DACH2: variants seen among roughly 807,000 people sequenced by gnomAD.
DACH2 encodes dachshund family transcription factor 2.
A neutral mutation model predicts 35.8 loss-of-function variants in DACH2; 17 were observed. The observed-to-expected ratio is 0.48, with a 90% CI of 0.33 to 0.71. DACH2 has a LOEUF of 0.71. Ranked by LOEUF, DACH2 falls within the 30% of genes least tolerant of loss-of-function variation. The probability of loss-of-function intolerance (pLI) is 0.02; values close to 1 mark genes in which losing one functional copy is unlikely to be tolerated. For missense variants in DACH2, 469 were observed against 472.7 expected, an observed-to-expected ratio of 0.99 and a Z score of 0.07; for synonymous variants, 195 against 177.3, an observed-to-expected ratio of 1.10 and a Z score of -0.79.
At chrX:86,455,584 C>T (rs936901312) in intron 2 of DACH2, among the ~76,000 whole-genome samples, 1 of 112,584 alleles carries the variant, frequency 8.9e-6, no homozygotes, top group Non-Finnish European at 1.9e-5. Context: ...AGCAGCTGCG[C>T]TGCATTGTGT....
intron 3 of DACH2, among the ~76,000 whole-genome samples, chrX:86,560,454 G>A (rs371512657): frequency 2.2e-4 from 22 of 101,930 alleles, no homozygotes; most frequent in East Asian, 1.6e-3. Context: ...TCTTTGTGGC[G>A]TTCTCTGTAT....
intron 1 of DACH2, among the ~76,000 whole-genome samples, chrX:86,224,326 T>A (rs1210906354): frequency 8.9e-6 from 1 of 111,882 alleles, no homozygotes; most frequent in Non-Finnish European, 1.9e-5. Context: ...TATTTCATTC[T>A]TGTGCCTGTG....
chrX:86,749,754 A>G (rs1445708582), intron 7 of DACH2, among the ~76,000 whole-genome samples: 1 of 111,752 alleles, frequency 8.9e-6, no homozygotes, highest in Non-Finnish European at 1.9e-5. Flanking sequence ...GGTTGCCACA[A>G]ACATTTAGTT....
chrX:86,597,064 GT>G (rs1010812681), intron 3 of DACH2, among the ~76,000 whole-genome samples: 25 of 111,751 alleles, frequency 2.2e-4, no homozygotes, highest in African/African-American at 7.5e-4. Flanking sequence ...AAATTGGGAA[GT>G]TTGAGTCCCT....
intron 1 of DACH2, among the ~76,000 whole-genome samples, chrX:86,286,115 G>GTT (rs753864299): frequency 0.37 from 16,713 of 45,615 alleles, 4,196 homozygotes; most frequent in East Asian, 0.47. Flanking sequence ...CAGCCAGTCT[G>GTT]TTTTTTTTTT....
chrX:86,348,930 G>A, intron 1 of DACH2, among the ~76,000 whole-genome samples: 1 of 112,129 alleles, frequency 8.9e-6, no homozygotes, highest in Non-Finnish European at 1.9e-5. Flanking sequence ...CCCCTAGGCA[G>A]CATCTAGGGG....
chrX:86,808,645 CAAA>C (rs56053664), intron 7 of DACH2, among the ~76,000 whole-genome samples: 54 of 85,314 alleles, frequency 6.3e-4, no homozygotes, highest in African/African-American at 2.1e-3. Flanking sequence ...ATGACATTGC[CAAA>C]AAAAAAAAAA....
At chrX:86,592,059 C>T (rs1161552209) in intron 3 of DACH2, among the ~76,000 whole-genome samples, 2 of 109,943 alleles carry the variant, frequency 1.8e-5, no homozygotes, top group African/African-American at 6.6e-5. Context: ...TTTATTTTAT[C>T]GATTGTGCTT....
At chrX:86,654,321 T>C in intron 4 of DACH2, among the ~76,000 whole-genome samples, 1 of 110,395 alleles carries the variant, frequency 9.1e-6, no homozygotes, top group Non-Finnish European at 1.9e-5. Flanking sequence ...TCTCTTTTTC[T>C]AGGCTCCTGG....
At chrX:86,475,209 G>C (rs1246546133) in intron 2 of DACH2, among the ~76,000 whole-genome samples, 2 of 111,422 alleles carry the variant, frequency 1.8e-5, no homozygotes, top group African/African-American at 6.5e-5. Context: ...TTCTATTTCT[G>C]TTGAGGAATA....
chrX:86,476,663 C>T (rs1362958020), intron 2 of DACH2, among the ~76,000 whole-genome samples: 1 of 111,076 alleles, frequency 9.0e-6, no homozygotes, highest in Non-Finnish European at 1.9e-5. Flanking sequence ...CTGCTCTGAC[C>T]TTTATTGTTT....
intron 5 of DACH2, among the ~76,000 whole-genome samples, chrX:86,699,786 T>G (rs2041117935): frequency 9.0e-6 from 1 of 111,616 alleles, no homozygotes; most frequent in Non-Finnish European, 1.9e-5. Flanking sequence ...TCTCTAGTTG[T>G]GAGATTAGGT....
At chrX:86,607,243 G>A (rs775460708) in intron 3 of DACH2, among the ~76,000 whole-genome samples, 1 of 111,290 alleles carries the variant, frequency 9.0e-6, no homozygotes, top group Non-Finnish European at 1.9e-5. Flanking sequence ...TTTTCTGAGC[G>A]TTTTGATGTC....
In DACH2 at chrX:86,254,807, T is replaced by TATATAG. The variant is rs1380613474; in HGVS notation, c.488+105700_488+105701insTATAGA. 7.5e-3 allele frequency among the ~76,000 whole-genome samples: 370 copies of TATATAG among 49,604 alleles called. 7 individuals carry two copies. Among genetic ancestry groups the TATATAG allele is most frequent in the South Asian group, 0.012 (9 of 734 alleles). 43.1% of individuals were successfully genotyped at this position (49,604 alleles called of 115,157 possible). A position where few individuals can be genotyped will look rare whatever the true frequency, so the allele number is the denominator to read the frequency against. On this transcript the variant is annotated intron_variant, in intron 1 of 11. Coordinates refer to ENST00000373125, the MANE Select transcript of DACH2 (RefSeq NM_053281.3). ...ATATATATATATATATATATATATA[T>TATATAG]AGAGAGAGAGAGAGAGAGAGAGAGA...
intron 3 of DACH2, among the ~76,000 whole-genome samples, chrX:86,646,355 C>T (rs920793233): frequency 9.1e-5 from 10 of 110,177 alleles, no homozygotes; most frequent in Admixed American, 9.8e-5. Flanking sequence ...ACAAACTGTT[C>T]GGATGATTGT....
Position 86,441,435 on chromosome X carries a change from G to A in DACH2, c.527+64573G>A, listed in dbSNP as rs193142664. 7.3e-5 allele frequency among the ~76,000 whole-genome samples: 8 copies of A among 109,891 alleles called. No homozygotes were observed. In the South Asian group the frequency reaches 1.2e-3, roughly 16 times the overall value. ...GCGCCAGGTTCATCCATGTTGTTGC[G>A]AATGATGGGATTTTATTCTTTTTTA... is the stretch of plus-strand genomic sequence containing the variant. On this transcript the variant is annotated intron_variant, in intron 2 of 11. Transcript: ENST00000373125.
In DACH2 at chrX:86,496,630, G is replaced by A. The variant is rs182092158; in HGVS notation, c.528-17649G>A. ...TGTTATGATCACCCTGTAAAAGCAGGAGGGATTCCAGTCCAAAGTTTGGTT... is the reference window on the plus strand; with the variant it reads ...TGTTATGATCACCCTGTAAAAGCAGAAGGGATTCCAGTCCAAAGTTTGGTT... On this transcript the variant is annotated intron_variant, in intron 2 of 11. Transcript: ENST00000373125. 6.3e-3 allele frequency among the ~76,000 whole-genome samples: 700 copies of A among 110,526 alleles called. 6 individuals carry two copies. The highest frequency in any genetic ancestry group is 0.022 in the African/African-American group (667 of 30,323).
At position 86,170,283 on chromosome X, in the gene DACH2, G is replaced by T. The variant is rs367777427; in HGVS notation, c.488+21175G>T. Among the ~76,000 whole-genome samples the T allele has an allele frequency of 5.4e-5, 6 of 111,659 alleles. No individual in the cohort carries two copies. The South Asian group carries it at 2.3e-3, about 43-fold the overall frequency. ...TGCCACTACCGCTATGACTGCACTG[G>T]GTCAGATCTGAAGTCATCACAGCAC... On this transcript the variant is annotated intron_variant, in intron 1 of 11. Transcript: ENST00000373125.
Position 86,438,219 on chromosome X carries a change from GT to G in DACH2, c.527+61378del, listed in dbSNP as rs695264. Among the ~76,000 whole-genome samples the G allele has an allele frequency of 9.1e-3, 742 of 81,134 alleles. 9 individuals are homozygous for G. The highest frequency in any genetic ancestry group is 0.032 in the African/African-American group (604 of 19,014). 70.5% of individuals were successfully genotyped at this position (81,134 alleles called of 115,157 possible). A position where few individuals can be genotyped will look rare whatever the true frequency, so the allele number is the denominator to read the frequency against. On this transcript the variant is annotated intron_variant, in intron 2 of 11. Coordinates refer to ENST00000373125, the MANE Select transcript of DACH2 (RefSeq NM_053281.3). ...TTCTGCAAAGGACATGATCTCGTAGGTTTTTTTTTTTTTTTTTTTTTGAGAC... is the reference window on the plus strand; with the variant it reads ...TTCTGCAAAGGACATGATCTCGTAGGTTTTTTTTTTTTTTTTTTTTGAGAC...
Sources: allele counts gnomAD v4.1 joint callset (sites outside exome capture counted in the v4.1 genomes callset), GRCh38; gene constraint gnomAD v4.1.1; transcripts MANE v1.5; gene names NCBI Gene and HGNC (gene_info 2026-07-23, HGNC 2026-07-21).